The following ITGA11 variants were observed in gnomAD, a reference collection of about 807,000 sequenced individuals.
The protein encoded by ITGA11 is integrin subunit alpha 11.
In ITGA11, 97 loss-of-function variants were observed where a neutral mutation model predicts 141.9. The ratio of observed to expected loss-of-function variants is 0.68; its 90% CI spans 0.58 to 0.81. The LOEUF is 0.81. ITGA11 is among the 30% of genes least tolerant of loss of function. ITGA11 has a pLI of 0.00. For missense variants in ITGA11, 1,387 were observed against 1,559.2 expected (o/e 0.89, Z 1.86); for synonymous variants, 658 against 624.6 (o/e 1.05, Z -0.80).
chr15:68,412,182 AG>A (rs1896785864), intron 1 of ITGA11, among the ~76,000 whole-genome samples: 2 of 152,198 alleles, frequency 1.3e-5, no homozygotes, highest in Non-Finnish European at 2.9e-5. Flanking sequence ...ATGGACCATC[AG>A]GGAGGAGGAA....
At chr15:68,332,267 G>A (rs1438838114) in intron 13 of ITGA11, 71 bp downstream of exon 13, 17 of 1,514,922 alleles carry the variant, frequency 1.1e-5, no homozygotes, top group African/African-American at 6.9e-5. Flanking sequence ...ACGCATTTCC[G>A]TCGTGGCTAC....
At chr15:68,415,517 C>G (rs762376687) in intron 1 of ITGA11, among the ~76,000 whole-genome samples, 11 of 152,196 alleles carry the variant, frequency 7.2e-5, no homozygotes, top group Non-Finnish European at 1.3e-4. Context: ...AGCAGAATCT[C>G]TGGGGGAGAT....
At chr15:68,430,960 C>T (rs567849287) in intron 1 of ITGA11, among the ~76,000 whole-genome samples, 1 of 152,362 alleles carries the variant, frequency 6.6e-6, no homozygotes, top group South Asian at 2.1e-4. Flanking sequence ...CCACTACCAC[C>T]GCATCTGACC....
chr15:68,300,109 ATAT>A lies in ITGA11; in HGVS notation c.*2947_*2949del, dbSNP rs1892994551. ...AGCAGAATATTATAGCTATTATGTA[ATAT>A]TAAATCCAGATGGCTGTTCTACAAG... is the stretch of plus-strand genomic sequence containing the variant. On this transcript the variant is annotated 3_prime_UTR_variant, in exon 30 of 30. Coordinates refer to ENST00000315757, the MANE Select transcript of ITGA11 (RefSeq NM_001004439.2). The A allele has an allele frequency of 6.6e-6, 1 of 152,244 alleles. No individual in the cohort carries two copies. Among genetic ancestry groups the A allele is most frequent in the African/African-American group, 2.4e-5 (1 of 41,462 alleles). 9.4% of individuals were successfully genotyped at this position (152,244 alleles called of 1,614,324 possible). A position where few individuals can be genotyped will look rare whatever the true frequency, so the allele number is the denominator to read the frequency against.
At chr15:68,350,187 G>T (rs1055452154) in intron 9 of ITGA11, among the ~76,000 whole-genome samples, 2 of 152,108 alleles carry the variant, frequency 1.3e-5, no homozygotes, top group Admixed American at 6.5e-5. Flanking sequence ...TGGCATTTAT[G>T]ATTTATTTAT....
intron 10 of ITGA11, chr15:68,340,982 C>T (rs1054735842): frequency 2.0e-5 from 3 of 152,244 alleles, no homozygotes; most frequent in African/African-American, 7.2e-5. Flanking sequence ...GCTGGTAAAT[C>T]ACCACTCTCT....
At chr15:68,357,045 A>G (rs1404594404) in intron 7 of ITGA11, 106 bp downstream of exon 7, 2 of 1,039,440 alleles carry the variant, frequency 1.9e-6, no homozygotes, top group Non-Finnish European at 2.7e-6. Context: ...TTAAGAAATT[A>G]TTGTCTCAAG....
chr15:68,378,207 G>A (rs1242684250), intron 2 of ITGA11, among the ~76,000 whole-genome samples: 1 of 152,220 alleles, frequency 6.6e-6, no homozygotes, highest in Non-Finnish European at 1.5e-5. Flanking sequence ...AGATGTTAGA[G>A]GTGGGCCTGG....
At position 68,365,045 on chromosome 15, in the gene ITGA11, C is replaced by T. The variant is rs190826755; in HGVS notation, c.266-247G>A. On this transcript the variant is annotated intron_variant, in intron 3 of 29. Coordinates refer to ENST00000315757, the MANE Select transcript of ITGA11 (RefSeq NM_001004439.2). ...TGCCCAAGGTCACACAGTGAGCACT[C>T]ACCGAGCCTTCTATCTCCTAGCCCA... is the stretch of plus-strand genomic sequence containing the variant. 3.1e-5 allele frequency: 23 copies of T among 735,908 alleles called. No homozygotes were observed. The East Asian group carries it at 2.9e-3, about 92-fold the overall frequency. 45.6% of individuals were successfully genotyped at this position (735,908 alleles called of 1,614,324 possible). A position where few individuals can be genotyped will look rare whatever the true frequency, so the allele number is the denominator to read the frequency against.
intron 2 of ITGA11, among the ~76,000 whole-genome samples, chr15:68,379,688 A>G (rs1895812748): frequency 6.6e-6 from 1 of 152,166 alleles, no homozygotes; most frequent in Non-Finnish European, 1.5e-5. Flanking sequence ...TGGACATGCA[A>G]TGTAACCCCT....
rs1893251269 is a variant in ITGA11 at position 68,307,790 on chromosome 15, G to A, written c.3175-94C>T. ...GAACGACTGGGGCTCTGCTCCTGGGGGCAGGGGCAGAGGACAGGGGACAAA... is the reference window on the plus strand; with the variant it reads ...GAACGACTGGGGCTCTGCTCCTGGGAGCAGGGGCAGAGGACAGGGGACAAA... On this transcript the variant is annotated intron_variant, in intron 26 of 29. Coordinates refer to ENST00000315757, the MANE Select transcript of ITGA11 (RefSeq NM_001004439.2). This position sits in a 1 kb window ranked among gnomAD's most constrained non-coding sequence, Gnocchi z 6.1. 2.5e-6 allele frequency: 2 copies of A among 804,548 alleles called. No homozygotes were observed. Among genetic ancestry groups the A allele is most frequent in the Non-Finnish European group, 4.1e-6 (2 of 486,042 alleles). The allele number at this position is 804,548 out of a possible 1,614,324, so 49.8% of individuals were successfully genotyped here.
intron 15 of ITGA11, among the ~76,000 whole-genome samples, 158 bp downstream of exon 15, chr15:68,330,823 A>G (rs1334780667): frequency 6.6e-6 from 1 of 152,202 alleles, no homozygotes; most frequent in Non-Finnish European, 1.5e-5. Context: ...GATTCCACCA[A>G]AAGGAAATGT....
chr15:68,405,965 C>T (rs187508361), intron 1 of ITGA11, among the ~76,000 whole-genome samples: 20 of 152,288 alleles, frequency 1.3e-4, no homozygotes, highest in South Asian at 2.1e-4. Flanking sequence ...TGATTGTGGA[C>T]GGCACTTTGC....
At chr15:68,351,507 C>T in intron 7 of ITGA11, 105 bp from the exon 8 acceptor site, 1 of 1,275,874 alleles carries the variant, frequency 7.8e-7, no homozygotes, top group Non-Finnish European at 1.1e-6. Flanking sequence ...CCAAGTCCTC[C>T]TTGGGCAACC....
intron 1 of ITGA11, among the ~76,000 whole-genome samples, chr15:68,417,922 A>T (rs1244948952): frequency 5.9e-5 from 9 of 152,218 alleles, no homozygotes; most frequent in Non-Finnish European, 7.3e-5. Context: ...AAATAATTAC[A>T]GGTGGTTATA....
At chr15:68,417,895 A>T (rs1896924788) in intron 1 of ITGA11, among the ~76,000 whole-genome samples, 2 of 152,182 alleles carry the variant, frequency 1.3e-5, no homozygotes, top group Non-Finnish European at 2.9e-5. Flanking sequence ...CATCTTCTTT[A>T]TGTATTTTAC....
Position 68,361,934 on chromosome 15 carries a change from C to T in ITGA11, c.358-230G>A, listed in dbSNP as rs1895256495. 35 of 466,028 alleles carry T rather than the reference C, an allele frequency of 7.5e-5. 2 individuals carry two copies. In the South Asian group the frequency reaches 8.5e-4, roughly 11 times the overall value. 28.9% of individuals were successfully genotyped at this position (466,028 alleles called of 1,614,324 possible). ...GAAAAACTGATCTTGGAGTCTCTTTCATTGTTTTTTCAAGGCCCTGTTCTC... is the reference window on the plus strand; with the variant it reads ...GAAAAACTGATCTTGGAGTCTCTTTTATTGTTTTTTCAAGGCCCTGTTCTC... On this transcript the variant is annotated intron_variant, in intron 4 of 29. Transcript: ENST00000315757.
chr15:68,325,927 G>GCCAGCC lies in ITGA11; in HGVS notation c.2212-692_2212-687dup, dbSNP rs1012583434. 7.3e-5 allele frequency among the ~76,000 whole-genome samples: 11 copies of GCCAGCC among 150,152 alleles called. No homozygotes were observed. The highest frequency in any genetic ancestry group is 4.2e-4 in the South Asian group (2 of 4,782). On this transcript the variant is annotated intron_variant, in intron 17 of 29. Transcript: ENST00000315757. The surrounding 1 kb of genome is among the most constrained non-coding windows in gnomAD (Gnocchi z 5.5). ...GCTTGTTAAAACACAGGGTGCTGGC[G>GCCAGCC]CCAGCCCCAGCCCCAGCCCCAGAGT...
rs1893166697 is a variant in ITGA11 at position 68,305,662 on chromosome 15, A to G, written c.3381+1686T>C. ...CACTGTCCCTCCTGCCTCATCTCACATGCCTCGGTGTGCATACCTGAGAGA... is the reference window on the plus strand; with the variant it reads ...CACTGTCCCTCCTGCCTCATCTCACGTGCCTCGGTGTGCATACCTGAGAGA... On this transcript the variant is annotated intron_variant, in intron 28 of 29. Transcript: ENST00000315757. The surrounding 1 kb of genome is among the most constrained non-coding windows in gnomAD (Gnocchi z 4.6). 6.6e-6 allele frequency among the ~76,000 whole-genome samples: 1 copy of G among 152,158 alleles called. No individual in the cohort carries two copies. Among genetic ancestry groups the G allele is most frequent in the Non-Finnish European group, 1.5e-5 (1 of 68,042 alleles).
Sources: gnomAD v4.1 joint callset for allele counts (sites outside exome capture counted in the v4.1 genomes callset) on GRCh38, gnomAD v4.1.1 for gene constraint, Gnocchi (gnomAD v3.1) non-coding constraint, MANE v1.5 for transcripts, NCBI Gene and HGNC (gene_info 2026-07-23, HGNC 2026-07-21) for gene names.